Variants in CFAP46 observed in about 807,000 individuals in gnomAD.
CFAP46 encodes cilia- and flagella-associated protein 46.
CFAP46 carries 245 observed loss-of-function variants against 325.7 expected under a neutral mutation model. The observed-to-expected ratio is 0.75, with a 90% CI of 0.68 to 0.84. CFAP46 has a LOEUF of 0.84. Among genes scored for constraint, CFAP46 ranks in the 40% least tolerant of loss-of-function variants. The probability of loss-of-function intolerance (pLI) is 0.00; values close to 1 mark genes in which losing one functional copy is unlikely to be tolerated. For synonymous variants in CFAP46, 1,523 were observed against 1,495.9 expected (o/e 1.02, Z -0.42); for missense variants, 3,346 against 3,543.0 (o/e 0.94, Z 1.41).
intron 24 of CFAP46, among the ~76,000 whole-genome samples, chr10:132,894,988 G>C (rs1849301169): frequency 6.6e-6 from 1 of 152,146 alleles, no homozygotes; most frequent in Non-Finnish European, 1.5e-5. Flanking sequence ...ATCAAATCCA[G>C]ATAAAGACAT....
In CFAP46 at chr10:132,832,285, C is replaced by A. The variant is rs1023233383; in HGVS notation, c.7117+1073G>T. Among the ~76,000 whole-genome samples the A allele has an allele frequency of 3.3e-5, 5 of 151,892 alleles. No individual in the cohort carries two copies. Among genetic ancestry groups the A allele is most frequent in the Non-Finnish European group, 1.5e-5 (1 of 67,964 alleles). On this transcript the variant is annotated intron_variant, in intron 50 of 57. Transcript: ENST00000368586. The surrounding 1 kb of genome is among the most constrained non-coding windows in gnomAD (Gnocchi z 4.1). ...CAGATCTCGGAGTGGCCGTTCCTTG[C>A]AGCTCTCTCCTTCCAGGTGTCCCGC...
At chr10:132,822,036 T>G (rs1847856249) in intron 50 of CFAP46, among the ~76,000 whole-genome samples, 1 of 141,062 alleles carries the variant, frequency 7.1e-6, no homozygotes, top group Admixed American at 6.9e-5. Flanking sequence ...TGAGTGCTGA[T>G]GTGTGCTGAT....
At chr10:132,920,741 G>A (rs1849710583) in intron 13 of CFAP46, among the ~76,000 whole-genome samples, 1 of 152,190 alleles carries the variant, frequency 6.6e-6, no homozygotes, top group African/African-American at 2.4e-5. Context: ...TCACCTTCAG[G>A]AGCCACTCAA....
In CFAP46 at chr10:132,910,062, C is replaced by A; in HGVS notation, c.2506G>T (p.Glu836Ter). 6.7e-7 allele frequency: 1 copy of A among 1,493,748 alleles called. No homozygotes were observed. The highest frequency in any genetic ancestry group is 1.4e-5 in the African/African-American group (1 of 70,550). 92.5% of individuals were successfully genotyped at this position (1,493,748 alleles called of 1,614,324 possible). The change falls in exon 20 of 58, where the codon GAG becomes TAG. Residue 836 changes from glutamate (E) to a stop codon, truncating the protein, a stop_gained. Coordinates refer to ENST00000368586, the MANE Select transcript of CFAP46 (RefSeq NM_001200049.3). LOFTEE classifies it high-confidence loss of function. Reference sequence around the variant, plus strand: ...CCATTGGTCAGGTTCAGGGCAAACTCGCAGACCTAGGACAGACGTGTTCTC... The same window carrying A: ...CCATTGGTCAGGTTCAGGGCAAACTAGCAGACCTAGGACAGACGTGTTCTC... ...SEIKTAVEVCEFALNLTNGSA... is the reference protein window; with the variant it reads ...SEIKTAVEVC
chr10:132,888,111 G>A (rs1849193646), intron 25 of CFAP46, among the ~76,000 whole-genome samples: 1 of 149,242 alleles, frequency 6.7e-6, no homozygotes, highest in Admixed American at 6.7e-5. Context: ...CCAGGAATAA[G>A]CTTCAGTGAA....
chr10:132,821,295 G>GA (rs1847814531), intron 50 of CFAP46, among the ~76,000 whole-genome samples: 2 of 137,794 alleles, frequency 1.5e-5, no homozygotes, highest in African/African-American at 5.7e-5. Context: ...GATGTGTGCT[G>GA]TGTGTGCTGT....
rs1268857087 is a variant in CFAP46, at chr10:132,846,986, C to T, written c.6213G>A (p.Glu2071=). The T allele has an allele frequency of 3.7e-6, 6 of 1,611,040 alleles. No homozygotes were observed. In the East Asian group the frequency reaches 8.9e-5, roughly 24 times the overall value. The change falls in exon 43 of 58, where the codon GAG becomes GAA. Residue 2071 remains glutamate (E), a synonymous_variant. Coordinates refer to ENST00000368586, the MANE Select transcript of CFAP46 (RefSeq NM_001200049.3). The part of the protein sequence containing the change: ...VAAAASLEMV[E]CVGTLDPATT... ...TTGCAGGGTCCAGGGTGCCGACACA[C>T]TCCACCATCTCCAGGCTGGCGGCTG...
intron 19 of CFAP46, among the ~76,000 whole-genome samples, chr10:132,911,741 C>T (rs1025704460): frequency 1.2e-4 from 18 of 152,320 alleles, no homozygotes; most frequent in African/African-American, 4.1e-4. Flanking sequence ...CCACCAGGAT[C>T]GTCCCACACA....
chr10:132,923,515 G>T (rs548260058), intron 11 of CFAP46, among the ~76,000 whole-genome samples: 4 of 149,390 alleles, frequency 2.7e-5, no homozygotes, highest in African/African-American at 9.9e-5. Context: ...CCATGTGGGG[G>T]TGCCCTGGAA....
intron 19 of CFAP46, 51 bp downstream of exon 19, chr10:132,912,604 C>CT (rs1564798468): frequency 0.039 from 48,923 of 1,264,222 alleles, 2,622 homozygotes; most frequent in Admixed American, 0.12. Context: ...TCTCCTCTCT[C>CT]CTCTCTCTCT....
intron 24 of CFAP46, among the ~76,000 whole-genome samples, chr10:132,898,184 C>T (rs1351959926): frequency 6.6e-6 from 1 of 152,240 alleles, no homozygotes; most frequent in Non-Finnish European, 1.5e-5. Flanking sequence ...GAGTCTCAGC[C>T]TCTTTCCAGG....
chr10:132,824,445 G>A (rs1847987054), intron 50 of CFAP46, among the ~76,000 whole-genome samples: 2 of 128,868 alleles, frequency 1.6e-5, no homozygotes, highest in Non-Finnish European at 3.3e-5. Flanking sequence ...GCTGTGTGCT[G>A]ATGTGTGCTG....
At position 132,884,436 on chromosome 10, in the gene CFAP46, G is replaced by C. The variant is rs184480808; in HGVS notation, c.3627+667C>G. On this transcript the variant is annotated intron_variant, in intron 27 of 57. Coordinates refer to ENST00000368586, the MANE Select transcript of CFAP46 (RefSeq NM_001200049.3). The surrounding 1 kb of genome is among the most constrained non-coding windows in gnomAD (Gnocchi z 5.4). The stretch of plus-strand genomic sequence containing the variant: ...TTGCTCTGAGCCGGAGAAACAGCTC[G>C]TGTAACAGAAAAGCCTTTTAAGATC... Among the ~76,000 whole-genome samples the C allele has an allele frequency of 6.6e-6, 1 of 152,172 alleles. No individual in the cohort carries two copies. Among genetic ancestry groups the C allele is most frequent in the Middle Eastern group, 3.2e-3 (1 of 316 alleles).
At chr10:132,819,500 G>A (rs1847755756) in intron 50 of CFAP46, among the ~76,000 whole-genome samples, 1 of 152,200 alleles carries the variant, frequency 6.6e-6, no homozygotes, top group South Asian at 2.1e-4. Context: ...ATGCAACAAA[G>A]CTATAGTAAT....
chr10:132,926,921 A>G (rs1849819681), intron 9 of CFAP46, among the ~76,000 whole-genome samples: 1 of 152,146 alleles, frequency 6.6e-6, no homozygotes, highest in South Asian at 2.1e-4. Flanking sequence ...TGCCCTTTTC[A>G]GGGGCCTTGT....
At chr10:132,820,966 T>C (rs1459703894) in intron 50 of CFAP46, among the ~76,000 whole-genome samples, 8 of 103,046 alleles carry the variant, frequency 7.8e-5, no homozygotes. Flanking sequence ...TGATGTGTGC[T>C]GTGTGTGTGC....
rs1353922208 is a variant in CFAP46 at position 132,922,699 on chromosome 10, C to T, written c.1266G>A (p.Thr422=). Residue 422 remains threonine (T), a synonymous_variant, in exon 12 of 58, where the codon ACG becomes ACA. Transcript: ENST00000368586. ...CCATGTGCACTTGACAGCGGAGAAG[C>T]GTCATGAGGCTGCGGGGGTGGCGTG... ...DVLEKLDSLM[T]LLRCQVHMEM... The T allele has an allele frequency of 2.3e-5, 35 of 1,546,388 alleles. No individual in the cohort carries two copies. Among genetic ancestry groups the T allele is most frequent in the Middle Eastern group, 3.4e-4 (2 of 5,964 alleles).
At position 132,832,725 on chromosome 10, in the gene CFAP46, TCA is replaced by T; in HGVS notation, c.7117+631_7117+632del. The T allele has an allele frequency of 2.1e-6, 1 of 470,624 alleles. No homozygotes were observed. The highest frequency in any genetic ancestry group is 4.4e-6 in the Non-Finnish European group (1 of 226,554). The allele number at this position is 470,624 out of a possible 1,614,324, so 29.2% of individuals were successfully genotyped here. Reference sequence around the variant, plus strand: ...CGGGGCACGTCTGCACAGCCAGCACTCAGTCACAGAATGTCATCACCCCCGAA... The same window carrying T: ...CGGGGCACGTCTGCACAGCCAGCACTGTCACAGAATGTCATCACCCCCGAA... On this transcript the variant is annotated intron_variant, in intron 50 of 57. Transcript: ENST00000368586. The surrounding 1 kb of genome is among the most constrained non-coding windows in gnomAD (Gnocchi z 4.1).
chr10:132,868,805 T>G (rs2135293134), intron 33 of CFAP46, among the ~76,000 whole-genome samples: 1 of 152,370 alleles, frequency 6.6e-6, no homozygotes, highest in Admixed American at 6.5e-5. Flanking sequence ...AGCACAGAAG[T>G]ATTTCTGAGA....
Sources: allele counts gnomAD v4.1 joint callset (sites outside exome capture counted in the v4.1 genomes callset), GRCh38; gene constraint gnomAD v4.1.1; non-coding constraint Gnocchi (gnomAD v3.1); transcripts MANE v1.5; gene names NCBI Gene and HGNC (gene_info 2026-07-23, HGNC 2026-07-21).